Variants in GIT2 observed in about 807,000 individuals in gnomAD.
GIT2 encodes ARF GTPase-activating protein GIT2.
Under a neutral mutation model 100.3 loss-of-function variants are expected in GIT2, and 32 were observed. That is an observed-to-expected ratio of 0.32 (90% CI 0.24 to 0.43). GIT2 has a LOEUF of 0.43. Among genes scored for constraint, GIT2 ranks in the 20% least tolerant of loss-of-function variants. The pLI is 1.00. For synonymous variants in GIT2, 353 were observed against 364.1 expected (o/e 0.97, Z 0.35); for missense variants, 737 against 975.1 (o/e 0.76, Z 3.25).
chr12:109,942,930 T>A (rs769194810), intron 16 of GIT2: 4 of 152,204 alleles, frequency 2.6e-5, no homozygotes, highest in Non-Finnish European at 4.4e-5. Context: ...AAAAATATTA[T>A]AAGCATGCAG....
At chr12:109,980,090 TG>T (rs912081980) in intron 7 of GIT2, among the ~76,000 whole-genome samples, 51 of 152,304 alleles carry the variant, frequency 3.3e-4, no homozygotes, top group African/African-American at 9.9e-4. Flanking sequence ...TTTAGAGAGT[TG>T]GGGGTCTTGC....
At chr12:109,955,594 G>A (rs1048163650) in intron 12 of GIT2, among the ~76,000 whole-genome samples, 4 of 152,122 alleles carry the variant, frequency 2.6e-5, no homozygotes, top group South Asian at 2.1e-4. Flanking sequence ...CATGGCCAAC[G>A]GCACTATAAA....
rs1481647348 is a variant in GIT2, at chr12:109,991,753, G to A, written c.60C>T (p.Ser20=). 3.7e-6 allele frequency: 6 copies of A among 1,612,180 alleles called. No homozygotes were observed. The highest frequency in any genetic ancestry group is 1.1e-5 in the South Asian group (1 of 90,736). ...ACGTTCCCCTATTTACTGATGCCCA[G>A]GAAGGATCTGGAAAGAGAGTGAAAT... ...VCADCSGPDP[S]WASVNRGTFL... is the part of the protein sequence containing the mutation. The change falls in exon 2 of 20, where the codon TCC becomes TCT. Residue 20 remains serine, a synonymous_variant. Transcript: ENST00000355312.
chr12:109,974,562 T>C (rs1884645518), intron 7 of GIT2, among the ~76,000 whole-genome samples: 1 of 152,204 alleles, frequency 6.6e-6, no homozygotes, highest in Non-Finnish European at 1.5e-5. Context: ...TTCCAAGCAC[T>C]TGGGTATTCT....
intron 3 of GIT2, 117 bp downstream of exon 3, chr12:109,989,573 C>G (rs1298550956): frequency 3.1e-6 from 2 of 636,216 alleles, no homozygotes; most frequent in East Asian, 2.7e-5. Flanking sequence ...TGATGCACAA[C>G]TAGGGTAACC....
upstream of GIT2, chr12:109,999,819 G>A (rs1889855030): frequency 6.7e-7 from 1 of 1,494,824 alleles, no homozygotes; most frequent in Non-Finnish European, 9.0e-7. This position sits in a 1 kb window ranked among gnomAD's most constrained non-coding sequence, Gnocchi z 4.3. Flanking sequence ...CTCCCGGTGG[G>A]GACTTCGGGG....
chr12:109,994,438 C>A (rs1888971630), intron 1 of GIT2, among the ~76,000 whole-genome samples: 1 of 152,160 alleles, frequency 6.6e-6, no homozygotes, highest in Non-Finnish European at 1.5e-5. Flanking sequence ...TCAACAGAAT[C>A]TCAAAGGGGT....
chr12:109,985,406 T>G (rs1028420766), intron 4 of GIT2, among the ~76,000 whole-genome samples: 10 of 151,684 alleles, frequency 6.6e-5, no homozygotes, highest in Admixed American at 5.9e-4. Flanking sequence ...CAGATTCTGC[T>G]GGGGATTAAA....
At chr12:109,982,182 T>TC (rs1421890064) in intron 6 of GIT2, 1 of 152,412 alleles carries the variant, frequency 6.6e-6, no homozygotes, top group Non-Finnish European at 1.5e-5. Context: ...ACTTTGTCCC[T>TC]CCCTGCCTCC....
intron 7 of GIT2, among the ~76,000 whole-genome samples, chr12:109,980,202 A>G (rs918391504): frequency 6.6e-6 from 1 of 152,024 alleles, no homozygotes; most frequent in African/African-American, 2.4e-5. Flanking sequence ...ACGTGGGACT[A>G]CAGGCGCACA....
chr12:109,976,263 G>A lies in GIT2; in HGVS notation c.718+4689C>T, dbSNP rs1257605140. ...TGTCAAATATATTACACTGATATATGCTGAAAACCCTACTAGATAATTTTT... is the reference window on the plus strand; with the variant it reads ...TGTCAAATATATTACACTGATATATACTGAAAACCCTACTAGATAATTTTT... On this transcript the variant is annotated intron_variant, in intron 7 of 19. Transcript: ENST00000355312. 2.0e-5 allele frequency among the ~76,000 whole-genome samples: 3 copies of A among 150,610 alleles called. No homozygotes were observed. In the South Asian group the frequency reaches 6.3e-4, roughly 32 times the overall value.
intron 1 of GIT2, 163 bp downstream of exon 1, chr12:109,996,010 C>T: frequency 2.1e-6 from 1 of 482,874 alleles, no homozygotes; most frequent in Admixed American, 4.3e-5. Context: ...CCCCTGCCCG[C>T]CCGGCTCTGA....
Position 109,996,276 on chromosome 12 carries a change from G to A in GIT2, c.-52C>T, listed in dbSNP as rs1889406724. ...CTAGAGGCCGGGGGACAGCAAAGGC[G>A]GCGGTGGCGGCGGCGCTTCCGCTCT... On this transcript the variant is annotated 5_prime_UTR_variant, in exon 1 of 20. Transcript: ENST00000355312. 2.3e-6 allele frequency: 3 copies of A among 1,296,852 alleles called. No homozygotes were observed. Among genetic ancestry groups the A allele is most frequent in the Non-Finnish European group, 3.2e-6 (3 of 935,424 alleles). The allele number at this position is 1,296,852 out of a possible 1,614,324, so 80.3% of individuals were successfully genotyped here.
intron 8 of GIT2, among the ~76,000 whole-genome samples, chr12:109,965,994 G>GTTTTTT (rs752096162): frequency 1.6e-5 from 2 of 122,434 alleles, no homozygotes; most frequent in Admixed American, 8.3e-5. Context: ...GGTCAGGGTT[G>GTTTTTT]TTTTTTTTTT....
chr12:109,967,651 T>C (rs1298079585), intron 7 of GIT2, 148 bp from the exon 8 acceptor site: 2 of 649,934 alleles, frequency 3.1e-6, no homozygotes, highest in East Asian at 5.4e-5. Flanking sequence ...TAAAAATTCC[T>C]GAAGACCCAG....
At chr12:109,944,844 A>C (rs1875836995) in intron 16 of GIT2, among the ~76,000 whole-genome samples, 1 of 151,852 alleles carries the variant, frequency 6.6e-6, no homozygotes, top group Non-Finnish European at 1.5e-5. Flanking sequence ...AAAAAAAGGC[A>C]TGACATTTTA....
At chr12:109,951,059 G>A (rs550344858) in intron 14 of GIT2, 108 bp downstream of exon 14, 14 of 948,278 alleles carry the variant, frequency 1.5e-5, no homozygotes, top group Middle Eastern at 4.4e-4. Context: ...TTCTAAGGCT[G>A]TTACAATAAC....
intron 4 of GIT2, among the ~76,000 whole-genome samples, chr12:109,988,387 A>C (rs955935351): frequency 1.3e-5 from 2 of 152,102 alleles, no homozygotes; most frequent in African/African-American, 4.8e-5. Context: ...TACAAAAAAT[A>C]AAAAATATTA....
intron 2 of GIT2, 76 bp downstream of exon 2, chr12:109,991,551 G>T: frequency 8.6e-7 from 1 of 1,164,814 alleles, no homozygotes; most frequent in Non-Finnish European, 1.3e-6. Flanking sequence ...AAGTACACCA[G>T]GAGAAATTTA....
Sources: allele counts gnomAD v4.1 joint callset (sites outside exome capture counted in the v4.1 genomes callset), GRCh38; gene constraint gnomAD v4.1.1; non-coding constraint Gnocchi (gnomAD v3.1); transcripts MANE v1.5; gene names NCBI Gene and HGNC (gene_info 2026-07-23, HGNC 2026-07-21).